STAG2: variants seen among roughly 807,000 people sequenced by gnomAD.
STAG2 encodes cohesin subunit SA-2.
In STAG2, 14 loss-of-function variants were observed where a neutral mutation model predicts 108.1. The observed-to-expected ratio is 0.13, with a 90% CI of 0.09 to 0.20. The LOEUF (loss-of-function observed/expected upper bound fraction) is 0.20, where lower values mean the gene tolerates loss of function less well. STAG2 is among the 10% of genes least tolerant of loss of function. STAG2 has a pLI of 1.00. For missense variants in STAG2, 440 were observed against 940.9 expected (o/e 0.47, Z 6.96); for synonymous variants, 307 against 302.7 (o/e 1.01, Z -0.15).
chrX:123,981,540 T>C (rs1569492194), intron 1 of STAG2, among the ~76,000 whole-genome samples: 1 of 112,109 alleles, frequency 8.9e-6, no homozygotes, highest in Non-Finnish European at 1.9e-5. Context: ...TTTGCTTATC[T>C]ACTCATCAGT....
intron 1 of STAG2, among the ~76,000 whole-genome samples, chrX:123,979,002 G>A (rs2054753088): frequency 9.0e-6 from 1 of 111,302 alleles, no homozygotes; most frequent in African/African-American, 3.3e-5. Flanking sequence ...CATTCCATGT[G>A]TCAGATACTT....
At chrX:123,980,437 A>G (rs1335383003) in intron 1 of STAG2, among the ~76,000 whole-genome samples, 3 of 111,967 alleles carry the variant, frequency 2.7e-5, no homozygotes, top group African/African-American at 9.7e-5. Flanking sequence ...CTCAAATTTG[A>G]AAAGAATCCA....
Position 124,101,246 on chromosome X carries a change from T to G in STAG2, c.*649T>G, listed in dbSNP as rs2148538481. 1 of 151,166 alleles carries G rather than the reference T, an allele frequency of 6.6e-6. No individual in the cohort carries two copies. Among genetic ancestry groups the G allele is most frequent in the South Asian group, 3.3e-4 (1 of 3,009 alleles). The allele number at this position is 151,166 out of a possible 1,213,427, so 12.5% of individuals were successfully genotyped here. A position where few individuals can be genotyped will look rare whatever the true frequency, so the allele number is the denominator to read the frequency against. On this transcript the variant is annotated 3_prime_UTR_variant, in exon 35 of 35. Transcript: ENST00000371145. The stretch of plus-strand genomic sequence containing the variant: ...TCTATACTTTTCAGAAATATCCAGA[T>G]GCAGTGAACTGCCAGAAGGTAACCA...
intron 4 of STAG2, among the ~76,000 whole-genome samples, chrX:124,029,162 G>T (rs1208887202): frequency 9.4e-6 from 1 of 106,246 alleles, no homozygotes; most frequent in East Asian, 2.9e-4. Context: ...GACTGCAGGT[G>T]CCTGCCACCA....
At chrX:124,056,654 A>T (rs1002854293) in intron 14 of STAG2, among the ~76,000 whole-genome samples, 12 of 101,595 alleles carry the variant, frequency 1.2e-4, no homozygotes, top group Admixed American at 5.6e-4. Flanking sequence ...AATGGCGTGA[A>T]CTCGGGAGGC....
At chrX:124,090,473 C>G (rs2059231612) in intron 30 of STAG2, 102 bp from the exon 31 acceptor site, 9 of 685,463 alleles carry the variant, frequency 1.3e-5, no homozygotes, top group African/African-American at 2.2e-5. Context: ...CTGTGACTTG[C>G]ATGTGGAAAT....
At chrX:124,066,143 ATTTTTTT>A (rs748906058) in intron 21 of STAG2, 25 bp from the exon 22 acceptor site, 407 of 589,358 alleles carry the variant, frequency 6.9e-4, no homozygotes, top group Middle Eastern at 1.3e-3. Flanking sequence ...ATAAAACTTA[ATTTTTTT>A]TTTTTTTTTT....
At chrX:123,987,095 C>T (rs944209459) in intron 1 of STAG2, among the ~76,000 whole-genome samples, 4 of 110,556 alleles carry the variant, frequency 3.6e-5, no homozygotes, top group Admixed American at 9.6e-5. Flanking sequence ...TGGGTTCAAG[C>T]GATTCTCCTG....
At chrX:124,009,551 G>A (rs1206434518) in intron 1 of STAG2, among the ~76,000 whole-genome samples, 9 of 110,291 alleles carry the variant, frequency 8.2e-5, no homozygotes, top group Admixed American at 5.9e-4. Flanking sequence ...TGCATTTTAG[G>A]GTAATTCCTA....
At position 124,010,587 on chromosome X, in the gene STAG2, G is replaced by A. The variant is rs147653617; in HGVS notation, c.-162-10780G>A. On this transcript the variant is annotated intron_variant, in intron 1 of 34. Coordinates refer to ENST00000371145, the MANE Select transcript of STAG2 (RefSeq NM_001042750.2). ...TCACAGTTTTGATTACTGTAGCTTT[G>A]TACAGTAAGTTCTCACTTAGTGCCG... 1.3e-3 allele frequency among the ~76,000 whole-genome samples: 150 copies of A among 111,298 alleles called. 1 individual carries two copies. The highest frequency in any genetic ancestry group is 4.7e-3 in the African/African-American group (144 of 30,660).
chrX:123,992,035 A>G (rs983780509), intron 1 of STAG2, among the ~76,000 whole-genome samples: 26 of 112,507 alleles, frequency 2.3e-4, no homozygotes, highest in African/African-American at 8.1e-4. Flanking sequence ...TTTAAAGTAT[A>G]TGGGAGGATG....
At chrX:124,095,322 T>C (rs2059351732) in intron 33 of STAG2, 50 bp from the exon 34 acceptor site, 1 of 1,013,564 alleles carries the variant, frequency 9.9e-7, no homozygotes, top group Non-Finnish European at 1.4e-6. Flanking sequence ...TACTATCTGG[T>C]TTGTAGATAT....
rs753158091 is a variant in STAG2, at chrX:124,058,828, ATTATT to A, written c.1416+853_1416+857del. Among the ~76,000 whole-genome samples the A allele has an allele frequency of 9.1e-4, 102 of 112,024 alleles. 1 individual carries two copies. The highest frequency in any genetic ancestry group is 3.1e-3 in the African/African-American group (97 of 30,880). On this transcript the variant is annotated intron_variant, in intron 15 of 34. Coordinates refer to ENST00000371145, the MANE Select transcript of STAG2 (RefSeq NM_001042750.2). ...ATTTTTGGTGTTCATATTACATACT[ATTATT>A]TAATTAGTGATCAGGCCTTTTAATT... is the stretch of plus-strand genomic sequence containing the variant.
chrX:123,998,167 A>G (rs1202163363), intron 1 of STAG2, among the ~76,000 whole-genome samples: 1 of 100,931 alleles, frequency 9.9e-6, no homozygotes, highest in Non-Finnish European at 2.0e-5. Context: ...TACTGTGTTT[A>G]ATTTTTTTTT....
At chrX:124,064,751 G>A (rs1204170518) in intron 20 of STAG2, among the ~76,000 whole-genome samples, 1 of 111,285 alleles carries the variant, frequency 9.0e-6, no homozygotes, top group Non-Finnish European at 1.9e-5. Flanking sequence ...TCTGGGTTTT[G>A]ATATTATAAA....
intron 15 of STAG2, among the ~76,000 whole-genome samples, 185 bp from the exon 16 acceptor site, chrX:124,061,039 C>T (rs1308122081): frequency 9.1e-6 from 1 of 109,989 alleles, no homozygotes; most frequent in Non-Finnish European, 1.9e-5. Context: ...AATGATGCTA[C>T]CTAACACGTC....
intron 15 of STAG2, among the ~76,000 whole-genome samples, 177 bp downstream of exon 15, chrX:124,058,154 CTTTTTTTTTTT>C (rs999044036): frequency 7.5e-4 from 55 of 72,945 alleles, no homozygotes; most frequent in Non-Finnish European, 1.1e-3. Context: ...TACTTTTCTT[CTTTTTTTTTTT>C]TTTTTTTTTT....
At chrX:123,994,951 C>A (rs757269575) in intron 1 of STAG2, among the ~76,000 whole-genome samples, 12 of 111,974 alleles carry the variant, frequency 1.1e-4, no homozygotes, top group African/African-American at 3.6e-4. Flanking sequence ...TCTGGTATTA[C>A]CATGGTAGTA....
At chrX:123,973,540 C>CAA (rs35943528) in intron 1 of STAG2, among the ~76,000 whole-genome samples, 913 of 46,096 alleles carry the variant, frequency 0.02, 29 homozygotes, top group African/African-American at 0.07. Context: ...GACTCTGTCT[C>CAA]AAAAAAAAAA....
Sources: gnomAD v4.1 joint callset for allele counts (sites outside exome capture counted in the v4.1 genomes callset) on GRCh38, gnomAD v4.1.1 for gene constraint, MANE v1.5 for transcripts, NCBI Gene and HGNC (gene_info 2026-07-23, HGNC 2026-07-21) for gene names.